GRIN2B: variants seen among roughly 807,000 people sequenced by gnomAD.
GRIN2B encodes the protein glutamate receptor ionotropic, NMDA 2B.
In GRIN2B, 5 loss-of-function variants were observed where a neutral mutation model predicts 114.5. The observed-to-expected ratio is 0.04, with a 90% CI of 0.02 to 0.09. GRIN2B has a LOEUF of 0.09. Among genes scored for constraint, GRIN2B ranks in the 10% least tolerant of loss-of-function variants. The pLI, the probability that GRIN2B is intolerant of heterozygous loss-of-function variation, is 1.00. For synonymous variants in GRIN2B, 787 were observed against 745.1 expected, an observed-to-expected ratio of 1.06 and a Z score of -0.92; for missense variants, 1,108 against 1,943.5, an observed-to-expected ratio of 0.57 and a Z score of 8.08.
chr12:13,718,237 T>C (rs1420473167), intron 4 of GRIN2B, among the ~76,000 whole-genome samples: 5 of 152,028 alleles, frequency 3.3e-5, no homozygotes, highest in Non-Finnish European at 7.4e-5. Context: ...GAGTTTCAGT[T>C]CCAAGAACAT....
intron 4 of GRIN2B, among the ~76,000 whole-genome samples, chr12:13,752,808 A>G (rs1863506507): frequency 6.6e-6 from 1 of 152,224 alleles, no homozygotes. Flanking sequence ...ACAGATCCGC[A>G]TAACCTGTTC....
intron 6 of GRIN2B, among the ~76,000 whole-genome samples, chr12:13,616,226 C>G (rs1422921617): frequency 6.6e-6 from 1 of 152,138 alleles, no homozygotes; most frequent in Non-Finnish European, 1.5e-5. Flanking sequence ...CCAAGCAAGA[C>G]CGAAGAAACT....
intron 12 of GRIN2B, among the ~76,000 whole-genome samples, chr12:13,568,916 AG>A (rs1278457957): frequency 1.3e-5 from 2 of 152,156 alleles, no homozygotes; most frequent in Non-Finnish European, 2.9e-5. Flanking sequence ...TCTGCCTCTG[AG>A]GACCCTAACC....
intron 2 of GRIN2B, among the ~76,000 whole-genome samples, chr12:13,921,967 A>G (rs1386415577): frequency 6.6e-6 from 1 of 152,188 alleles, no homozygotes; most frequent in Non-Finnish European, 1.5e-5. Context: ...ACCTTGACCA[A>G]GTTATTTTGC....
intron 3 of GRIN2B, among the ~76,000 whole-genome samples, chr12:13,776,025 C>A (rs1228099603): frequency 6.6e-6 from 1 of 152,078 alleles, no homozygotes; most frequent in Non-Finnish European, 1.5e-5. Context: ...TGGAATCAAC[C>A]TAAATGCTCA....
At chr12:13,576,127 C>T (rs1166421532) in intron 10 of GRIN2B, among the ~76,000 whole-genome samples, 1 of 152,166 alleles carries the variant, frequency 6.6e-6, no homozygotes, top group Non-Finnish European at 1.5e-5. Flanking sequence ...TTGTCCCAGC[C>T]TGGTGAGATC....
intron 12 of GRIN2B, 108 bp from the exon 13 acceptor site, chr12:13,567,371 GAA>G: frequency 1.4e-6 from 1 of 739,362 alleles, no homozygotes; most frequent in East Asian, 2.7e-5. Flanking sequence ...ATACGTGACA[GAA>G]AAAGAGACAA....
intron 2 of GRIN2B, among the ~76,000 whole-genome samples, chr12:13,975,973 G>A (rs1480039510): frequency 6.6e-6 from 1 of 152,210 alleles, no homozygotes; most frequent in Non-Finnish European, 1.5e-5. Context: ...AAATAAGGTG[G>A]AGAACATCAA....
chr12:13,650,366 C>G (rs1030924805), intron 5 of GRIN2B, among the ~76,000 whole-genome samples: 5 of 151,986 alleles, frequency 3.3e-5, no homozygotes, highest in Admixed American at 2.6e-4. Flanking sequence ...TTCAGGACAC[C>G]AATCAGATCA....
chr12:13,590,687 T>C (rs1283550828), intron 10 of GRIN2B, among the ~76,000 whole-genome samples: 1 of 152,162 alleles, frequency 6.6e-6, no homozygotes, highest in Non-Finnish European at 1.5e-5. Context: ...TTTGCTATTG[T>C]AAATAGTGCT....
chr12:13,677,759 C>T (rs569889119), intron 4 of GRIN2B, among the ~76,000 whole-genome samples: 1 of 152,104 alleles, frequency 6.6e-6, no homozygotes, highest in South Asian at 2.1e-4. Context: ...TCCCCTGCAA[C>T]CCTTTGATAC....
chr12:13,621,504 C>T (rs1205725886), intron 5 of GRIN2B, among the ~76,000 whole-genome samples: 2 of 149,268 alleles, frequency 1.3e-5, no homozygotes, highest in Non-Finnish European at 3.0e-5. Context: ...GCACATTTCA[C>T]AACATCTGTC....
At chr12:13,967,680 T>G (rs563938302) in intron 2 of GRIN2B, among the ~76,000 whole-genome samples, 25 of 152,242 alleles carry the variant, frequency 1.6e-4, no homozygotes, top group African/African-American at 6.0e-4. Flanking sequence ...GAAATTCACA[T>G]CGGGAGGTGG....
At chr12:13,842,215 T>C (rs1591762325) in intron 3 of GRIN2B, among the ~76,000 whole-genome samples, 1 of 152,226 alleles carries the variant, frequency 6.6e-6, no homozygotes, top group East Asian at 1.9e-4. Flanking sequence ...ACATAGGGGT[T>C]TCATTATGTT....
chr12:13,602,707 A>G (rs576538153), intron 10 of GRIN2B, among the ~76,000 whole-genome samples: 36 of 152,264 alleles, frequency 2.4e-4, no homozygotes, highest in African/African-American at 7.9e-4. Flanking sequence ...CCAGACCCCC[A>G]TGGGACTTCT....
intron 5 of GRIN2B, among the ~76,000 whole-genome samples, chr12:13,668,306 G>A (rs1002970560): frequency 5.9e-5 from 9 of 152,144 alleles, no homozygotes; most frequent in African/African-American, 1.9e-4. Context: ...GCACTGGAAG[G>A]CAACCAGCCT....
chr12:13,789,061 G>A (rs911466084), intron 3 of GRIN2B, among the ~76,000 whole-genome samples: 8 of 130,916 alleles, frequency 6.1e-5, no homozygotes, highest in African/African-American at 2.1e-4. Flanking sequence ...GCTTCTTAAA[G>A]AGTCCTGGTT....
chr12:13,768,907 G>T (rs56194014), intron 3 of GRIN2B, among the ~76,000 whole-genome samples: 1 of 152,052 alleles, frequency 6.6e-6, no homozygotes, highest in Non-Finnish European at 1.5e-5. Context: ...GGTGGCAGGC[G>T]CCGGTAGCCC....
In GRIN2B at chr12:13,548,328, T is replaced by A. The variant is rs1247831087; in HGVS notation, c.*14455A>T. 1.3e-5 allele frequency: 2 copies of A among 152,054 alleles called. No homozygotes were observed. Among genetic ancestry groups the A allele is most frequent in the Non-Finnish European group, 2.9e-5 (2 of 67,992 alleles). The allele number at this position is 152,054 out of a possible 1,614,324, so 9.4% of individuals were successfully genotyped here. Reference sequence around the variant, plus strand: ...AGATATAGATTTTCTTTGTAAGACTTCCTCCATTGGCCGCTATGGTACAGC... The same window carrying A: ...AGATATAGATTTTCTTTGTAAGACTACCTCCATTGGCCGCTATGGTACAGC... On this transcript the variant is annotated 3_prime_UTR_variant, in exon 14 of 14. Coordinates refer to ENST00000609686, the MANE Select transcript of GRIN2B (RefSeq NM_000834.5).
Sources: allele counts gnomAD v4.1 joint callset (sites outside exome capture counted in the v4.1 genomes callset), GRCh38; gene constraint gnomAD v4.1.1; transcripts MANE v1.5; gene names NCBI Gene and HGNC (gene_info 2026-07-23, HGNC 2026-07-21).